MPDZ: variants seen among roughly 807,000 people sequenced by gnomAD.
The protein encoded by MPDZ is multiple PDZ domain crumbs cell polarity complex component.
Under a neutral mutation model 239.1 loss-of-function variants are expected in MPDZ, and 234 were observed. The observed-to-expected ratio is 0.98, with a 90% CI of 0.88 to 1.09. The LOEUF (loss-of-function observed/expected upper bound fraction) is 1.09, where lower values mean the gene tolerates loss of function less well. Among genes scored for constraint, MPDZ ranks in the 50% least tolerant of loss-of-function variants. MPDZ has a pLI of 0.00. For missense variants in MPDZ, 3,175 were observed against 2,510.0 expected (o/e 1.26, Z -5.66); for synonymous variants, 1,048 against 881.3 (o/e 1.19, Z -3.35).
chr9:13,171,641 A>G (rs1002175552), intron 21 of MPDZ, among the ~76,000 whole-genome samples: 1 of 152,206 alleles, frequency 6.6e-6, no homozygotes, highest in Non-Finnish European at 1.5e-5. Flanking sequence ...AAAGGTCACT[A>G]TATGCACGTG....
At chr9:13,178,870 T>C (rs1952877963) in intron 19 of MPDZ, among the ~76,000 whole-genome samples, 1 of 152,224 alleles carries the variant, frequency 6.6e-6, no homozygotes, top group African/African-American at 2.4e-5. Context: ...TTTTGCGTTT[T>C]ATATATTACT....
intron 3 of MPDZ, among the ~76,000 whole-genome samples, chr9:13,224,924 A>G (rs540520953): frequency 1.3e-5 from 2 of 152,222 alleles, no homozygotes; most frequent in South Asian, 4.1e-4. Context: ...AGTAACCTCT[A>G]AACTCTCAGA....
chr9:13,203,439 A>G (rs759542681), intron 12 of MPDZ, among the ~76,000 whole-genome samples: 1 of 152,158 alleles, frequency 6.6e-6, no homozygotes, highest in Non-Finnish European at 1.5e-5. Context: ...CTTTAGCAGA[A>G]CAACTCTCCA....
chr9:13,208,225 C>T (rs920967585), intron 10 of MPDZ, among the ~76,000 whole-genome samples: 3 of 152,142 alleles, frequency 2.0e-5, no homozygotes, highest in Non-Finnish European at 4.4e-5. Flanking sequence ...AGAAGGACTG[C>T]TTGAGCCCAA....
intron 29 of MPDZ, 80 bp from the exon 30 acceptor site, chr9:13,136,883 G>T: frequency 4.1e-6 from 3 of 732,262 alleles, no homozygotes; most frequent in South Asian, 2.2e-5. Context: ...TTAATGAAAA[G>T]CACATTTTTT....
chr9:13,215,786 G>C (rs1261355268), intron 10 of MPDZ, among the ~76,000 whole-genome samples: 1 of 11,966 alleles, frequency 8.4e-5, no homozygotes, highest in Non-Finnish European at 3.0e-4. Context: ...TCTTTTTTTA[G>C]AGGCAAGATC....
intron 1 of MPDZ, among the ~76,000 whole-genome samples, chr9:13,255,044 T>G (rs945526485): frequency 1.3e-5 from 2 of 152,242 alleles, no homozygotes; most frequent in African/African-American, 4.8e-5. Flanking sequence ...TCTCAAATCC[T>G]GCTCCTACTT....
chr9:13,142,814 T>C (rs573054181), intron 27 of MPDZ, among the ~76,000 whole-genome samples: 1 of 152,142 alleles, frequency 6.6e-6, no homozygotes, highest in Non-Finnish European at 1.5e-5. Flanking sequence ...ATAAAGTGTT[T>C]CCTGAAAAAA....
At chr9:13,139,075 T>C (rs549179947) in intron 28 of MPDZ, among the ~76,000 whole-genome samples, 14 of 152,334 alleles carry the variant, frequency 9.2e-5, no homozygotes, top group Non-Finnish European at 1.5e-4. Context: ...CTGCGAAAAC[T>C]ACAAACTTTA....
chr9:13,203,727 G>GCC (rs1223654298), intron 12 of MPDZ, among the ~76,000 whole-genome samples: 1 of 69,938 alleles, frequency 1.4e-5, no homozygotes, highest in Non-Finnish European at 2.7e-5. Flanking sequence ...CATGTATCCT[G>GCC]CCACACACAC....
rs771022245 is a variant in MPDZ, at chr9:13,219,645, C to T, written c.1000G>A (p.Ala334Thr). 1.2e-6 allele frequency: 2 copies of T among 1,612,678 alleles called. No homozygotes were observed. Among genetic ancestry groups the T allele is most frequent in the East Asian group, 4.5e-5 (2 of 44,760 alleles). ...GTACGTTCTTCTATGGCACCTCTTG[C>T]AATCATCAACTTAACTCTATTTCCA... Reference protein sequence around the residue: ...QCGNRVKLMIARGAIEERTAP... With the variant: ...QCGNRVKLMITRGAIEERTAP... Residue 334 changes from alanine to threonine, a missense_variant, in exon 8 of 47, where the codon GCA (alanine) becomes ACA (threonine). By Grantham distance (58) the Ala-to-Thr change is moderately conservative. Coordinates refer to ENST00000319217, the MANE Select transcript of MPDZ (RefSeq NM_001378778.1).
Position 13,205,042 on chromosome 9 carries a change from C to T in MPDZ, c.1540G>A (p.Glu514Lys). Reference sequence around the variant, plus strand: ...GCTGGCGCTAGGTGTTTACCTTCTTCTTCAGTTGGTAATATGTTGGTGTTT... The same window carrying T: ...GCTGGCGCTAGGTGTTTACCTTCTTTTTCAGTTGGTAATATGTTGGTGTTT... Reference protein sequence around the residue: ...TRNTNILPTEEEGYPLLSAEI... With the variant: ...TRNTNILPTEKEGYPLLSAEI... Residue 514 changes from glutamate to lysine, a missense_variant, in exon 12 of 47, where the codon GAA becomes AAA. Physicochemically the swap from Glu to Lys is moderately conservative, Grantham distance 56. Transcript: ENST00000319217. 1.4e-6 allele frequency: 2 copies of T among 1,453,162 alleles called. No individual in the cohort carries two copies. Among genetic ancestry groups the T allele is most frequent in the Non-Finnish European group, 1.8e-6 (2 of 1,105,120 alleles). The allele number at this position is 1,453,162 out of a possible 1,614,324, so 90.0% of individuals were successfully genotyped here.
intron 1 of MPDZ, among the ~76,000 whole-genome samples, chr9:13,276,044 C>T (rs1735499363): frequency 6.6e-6 from 1 of 152,176 alleles, no homozygotes; most frequent in Admixed American, 6.5e-5. Flanking sequence ...TTCCTAGAAT[C>T]CCTGTAACAT....
chr9:13,217,321 T>C (rs374944330), intron 8 of MPDZ, 27 bp from the exon 9 acceptor site: 6 of 1,384,506 alleles, frequency 4.3e-6, no homozygotes, highest in Non-Finnish European at 4.9e-6. Context: ...AAATATACAG[T>C]GAAATAATAC....
At position 13,119,578 on chromosome 9, in the gene MPDZ, T is replaced by C. The variant is rs779043354; in HGVS notation, c.5303A>G (p.Gln1768Arg). Residue 1768 changes from glutamine (Q) to arginine (R), a missense_variant, in exon 39 of 47, where the codon CAG becomes CGG. By Grantham distance (43) the Gln-to-Arg change is conservative. Coordinates refer to ENST00000319217, the MANE Select transcript of MPDZ (RefSeq NM_001378778.1). ...GIADADGRLM[Q>R]GDQILMVNGE... ...ATTCACCATTAATATCTGGTCTCCC[T>C]GCATCAGTCTTCCATCGGCATCTGC... is the stretch of plus-strand genomic sequence containing the variant. The C allele has an allele frequency of 6.2e-6, 10 of 1,614,040 alleles. No individual in the cohort carries two copies. The South Asian group carries it at 8.8e-5, about 14-fold the overall frequency.
rs746235865 is a variant in MPDZ at position 13,183,441 on chromosome 9, AAGAACCAT to A, written c.2618_2625del (p.Tyr873PhefsTer8). The A allele has an allele frequency of 7.5e-6, 12 of 1,609,198 alleles. No individual in the cohort carries two copies. The highest frequency in any genetic ancestry group is 8.5e-7 in the Non-Finnish European group (1 of 1,178,110). On this transcript the variant is annotated frameshift_variant, in exon 19 of 47. Coordinates refer to ENST00000319217, the MANE Select transcript of MPDZ (RefSeq NM_001378778.1). LOFTEE classifies it high-confidence loss of function. ...ACCTTAGGAGGAGATGATGGAAGGG[AAGAACCAT>A]AGTTCAGGCCATCACCACAAGAACT...
chr9:13,219,021 C>T (rs1177816713), intron 8 of MPDZ, among the ~76,000 whole-genome samples: 2 of 151,852 alleles, frequency 1.3e-5, no homozygotes, highest in African/African-American at 4.8e-5. Flanking sequence ...ATAATGACTA[C>T]TTATTACAAA....
At chr9:13,205,394 G>T (rs1358795027) in intron 11 of MPDZ, among the ~76,000 whole-genome samples, 1 of 152,106 alleles carries the variant, frequency 6.6e-6, no homozygotes, top group Non-Finnish European at 1.5e-5. Context: ...CGAAAAGCCT[G>T]ATTTCTACCA....
At chr9:13,216,361 A>G (rs571301528) in intron 10 of MPDZ, among the ~76,000 whole-genome samples, 2 of 151,154 alleles carry the variant, frequency 1.3e-5, no homozygotes, top group Non-Finnish European at 1.5e-5. Context: ...AAAGCCAACA[A>G]TAACAGTATC....
Sources: allele counts gnomAD v4.1 joint callset (sites outside exome capture counted in the v4.1 genomes callset), GRCh38; gene constraint gnomAD v4.1.1; transcripts MANE v1.5; gene names NCBI Gene and HGNC (gene_info 2026-07-23, HGNC 2026-07-21).